The following MAMLD1 variants were observed in gnomAD, a reference collection of about 807,000 sequenced individuals.
MAMLD1 encodes mastermind like domain containing 1.
In MAMLD1, 14 loss-of-function variants were observed where a neutral mutation model predicts 45.0. That is an observed-to-expected ratio of 0.31 (90% CI 0.21 to 0.49). The LOEUF (loss-of-function observed/expected upper bound fraction) is 0.49, where lower values mean the gene tolerates loss of function less well. Among genes scored for constraint, MAMLD1 ranks in the 20% least tolerant of loss-of-function variants. The pLI is 0.99. For synonymous variants in MAMLD1, 254 were observed against 247.8 expected (o/e 1.02, Z -0.24); for missense variants, 543 against 603.6 (o/e 0.90, Z 1.05).
At chrX:150,481,310 C>A (rs1292939646) in intron 5 of MAMLD1, among the ~76,000 whole-genome samples, 1 of 112,353 alleles carries the variant, frequency 8.9e-6, no homozygotes, top group Non-Finnish European at 1.9e-5. Context: ...CTTCAAACAC[C>A]AAAATGTTGA....
chrX:150,419,085 A>G (rs1418826794), intron 1 of MAMLD1, among the ~76,000 whole-genome samples: 3 of 77,902 alleles, frequency 3.9e-5, no homozygotes, highest in African/African-American at 1.4e-4. Flanking sequence ...GTCTCTTTGT[A>G]GGTCACTCAG....
At chrX:150,397,417 T>C (rs931466185) in intron 1 of MAMLD1, among the ~76,000 whole-genome samples, 1 of 112,171 alleles carries the variant, frequency 8.9e-6, no homozygotes, top group Non-Finnish European at 1.9e-5. Context: ...TGTTTTAGAA[T>C]GTCCTTTGTA....
intron 1 of MAMLD1, among the ~76,000 whole-genome samples, chrX:150,438,942 G>A (rs1557404384): frequency 9.0e-6 from 1 of 111,515 alleles, no homozygotes; most frequent in African/African-American, 3.3e-5. Context: ...GATAGCAGGT[G>A]CAACATTTTA....
intron 2 of MAMLD1, among the ~76,000 whole-genome samples, chrX:150,451,458 G>C (rs782369225): frequency 1.8e-5 from 2 of 111,093 alleles, no homozygotes; most frequent in African/African-American, 3.3e-5. Context: ...GGGCTGGCCT[G>C]TGTAGGCTGA....
chrX:150,424,252 G>T (rs1325361138), intron 1 of MAMLD1, among the ~76,000 whole-genome samples: 3 of 112,613 alleles, frequency 2.7e-5, no homozygotes, highest in African/African-American at 9.7e-5. Flanking sequence ...CCACTCTGTG[G>T]GATTATGGGA....
intron 1 of MAMLD1, among the ~76,000 whole-genome samples, chrX:150,397,054 T>C (rs2033446559): frequency 8.9e-6 from 1 of 112,314 alleles, no homozygotes; most frequent in Non-Finnish European, 1.9e-5. Context: ...TGCAAGTGTA[T>C]AGTTCAGTAT....
chrX:150,496,330 T>A (rs782493247), intron 5 of MAMLD1, among the ~76,000 whole-genome samples: 1 of 112,783 alleles, frequency 8.9e-6, no homozygotes, highest in Non-Finnish European at 1.9e-5. Flanking sequence ...CAGGTTCAGC[T>A]TCCAGCTCTG....
At chrX:150,436,455 T>C (rs782056687) in intron 1 of MAMLD1, among the ~76,000 whole-genome samples, 1 of 112,195 alleles carries the variant, frequency 8.9e-6, no homozygotes, top group African/African-American at 3.2e-5. Context: ...GTCTGAGTTA[T>C]TTCAAAGAGC....
intron 1 of MAMLD1, among the ~76,000 whole-genome samples, chrX:150,422,709 G>A (rs1219846562): frequency 8.9e-6 from 1 of 112,147 alleles, no homozygotes; most frequent in African/African-American, 3.2e-5. Flanking sequence ...GAGCCACTGG[G>A]CCTAGCCTGG....
intron 1 of MAMLD1, among the ~76,000 whole-genome samples, chrX:150,417,313 T>C (rs371279423): frequency 0.45 from 45,567 of 101,145 alleles, 9,119 homozygotes; most frequent in East Asian, 0.76. Context: ...TCCAATTTCA[T>C]CCATGTCCCT....
chrX:150,483,649 C>T (rs1233048999), intron 5 of MAMLD1, among the ~76,000 whole-genome samples: 3 of 112,519 alleles, frequency 2.7e-5, no homozygotes, highest in African/African-American at 9.7e-5. Flanking sequence ...CAGTTAAGCT[C>T]CTTATCCTTC....
intron 1 of MAMLD1, among the ~76,000 whole-genome samples, chrX:150,384,562 G>A (rs895266266): frequency 2.0e-4 from 22 of 111,664 alleles, no homozygotes; most frequent in African/African-American, 5.5e-4. Flanking sequence ...CATTCTGTGG[G>A]TCATATTTAC....
intron 5 of MAMLD1, among the ~76,000 whole-genome samples, chrX:150,500,348 G>C (rs1343395462): frequency 9.0e-6 from 1 of 111,567 alleles, no homozygotes; most frequent in Non-Finnish European, 1.9e-5. Context: ...TGGTATGACT[G>C]GGGGTACGTG....
chrX:150,495,398 G>C (rs1170171889), intron 5 of MAMLD1, among the ~76,000 whole-genome samples: 1 of 112,204 alleles, frequency 8.9e-6, no homozygotes, highest in East Asian at 2.8e-4. Context: ...ACCACCATCA[G>C]GACACTAGCA....
At position 150,471,190 on chromosome X, in the gene MAMLD1, T is replaced by A. The variant is rs371252489; in HGVS notation, c.1617T>A (p.Phe539Leu). 1 of 1,210,282 alleles carries A rather than the reference T, an allele frequency of 8.3e-7. No homozygotes were observed. Among genetic ancestry groups the A allele is most frequent in the Non-Finnish European group, 1.1e-6 (1 of 895,319 alleles). Residue 539 changes from phenylalanine (F) to leucine (L), a missense_variant, in exon 4 of 8, where the codon TTT (phenylalanine) becomes TTA (leucine). Transcript: ENST00000370401. ...SSPGATEPFTFGNTKPLSHFV... is the reference protein window; with the variant it reads ...SSPGATEPFTLGNTKPLSHFV... ...CAGGAGCCACGGAGCCATTTACTTTTGGCAACACCAAGCCCTTGTCCCATT... is the reference window on the plus strand; with the variant it reads ...CAGGAGCCACGGAGCCATTTACTTTAGGCAACACCAAGCCCTTGTCCCATT...
chrX:150,365,550 G>A, intron 1 of MAMLD1, among the ~76,000 whole-genome samples: 1 of 113,196 alleles, frequency 8.8e-6, no homozygotes, highest in Non-Finnish European at 1.9e-5. Flanking sequence ...CTTTGCAGCG[G>A]GCGCCCCTCG....
chrX:150,418,190 T>C (rs2124545854), intron 1 of MAMLD1, among the ~76,000 whole-genome samples: 1 of 112,138 alleles, frequency 8.9e-6, no homozygotes, highest in South Asian at 3.7e-4. Context: ...TCCAGGAATT[T>C]ATCCATTTCT....
At position 150,417,459 on chromosome X, in the gene MAMLD1, G is replaced by A. The variant is rs1282879692; in HGVS notation, c.-63-27995G>A. Among the ~76,000 whole-genome samples, 679 of 107,598 alleles carry A rather than the reference G, an allele frequency of 6.3e-3. 8 individuals are homozygous for A. Among genetic ancestry groups the A allele is most frequent in the African/African-American group, 0.022 (633 of 28,790 alleles). 93.4% of individuals were successfully genotyped at this position (107,598 alleles called of 115,157 possible). A position where few individuals can be genotyped will look rare whatever the true frequency, so the allele number is the denominator to read the frequency against. On this transcript the variant is annotated intron_variant, in intron 1 of 7. Coordinates refer to ENST00000370401, the MANE Select transcript of MAMLD1 (RefSeq NM_005491.5). ...AGTCTTTGCTATTGTGAATAGTGCC[G>A]CAATAAACATACGTGTGCATGTGTC... is the stretch of plus-strand genomic sequence containing the variant.
chrX:150,366,820 C>G (rs1218261482), intron 1 of MAMLD1, among the ~76,000 whole-genome samples: 3 of 110,583 alleles, frequency 2.7e-5, no homozygotes, highest in Non-Finnish European at 3.8e-5. Context: ...GAATGTTGCT[C>G]AAAGTGGAAC....
Sources: gnomAD v4.1 joint callset for allele counts (sites outside exome capture counted in the v4.1 genomes callset) on GRCh38, gnomAD v4.1.1 for gene constraint, MANE v1.5 for transcripts, NCBI Gene and HGNC (gene_info 2026-07-23, HGNC 2026-07-21) for gene names.